The following TMEM87A variants were observed in gnomAD, a reference collection of about 807,000 sequenced individuals.
TMEM87A encodes the protein transmembrane protein 87A.
In TMEM87A, 50 loss-of-function variants were observed where a neutral mutation model predicts 90.0. The ratio of observed to expected loss-of-function variants is 0.56; its 90% confidence interval spans 0.44 to 0.70. The LOEUF (loss-of-function observed/expected upper bound fraction) is 0.70. Ranked by LOEUF, TMEM87A falls within the 30% of genes least tolerant of loss-of-function variation. TMEM87A has a pLI of 0.00. For missense variants in TMEM87A, 577 were observed against 660.5 expected, an observed-to-expected ratio of 0.87 and a Z score of 1.39; for synonymous variants, 226 against 226.7, an observed-to-expected ratio of 1.00 and a Z score of 0.03.
chr15:42,233,529 T>C (rs1236040046), intron 10 of TMEM87A, among the ~76,000 whole-genome samples: 1 of 152,148 alleles, frequency 6.6e-6, no homozygotes, highest in Non-Finnish European at 1.5e-5. Context: ...TTTTAAAAAA[T>C]GTTTCCTCAG....
chr15:42,254,849 G>A (rs1359496323), intron 6 of TMEM87A, among the ~76,000 whole-genome samples: 2 of 152,168 alleles, frequency 1.3e-5, no homozygotes, highest in African/African-American at 4.8e-5. Context: ...TATAGACTTT[G>A]ATAATAACAT....
At chr15:42,233,588 C>G (rs2050722720) in intron 10 of TMEM87A, among the ~76,000 whole-genome samples, 1 of 152,112 alleles carries the variant, frequency 6.6e-6, no homozygotes, top group African/African-American at 2.4e-5. Flanking sequence ...CTTATAAACC[C>G]TTCACCAAGG....
At chr15:42,225,303 G>T (rs1013123430) in intron 15 of TMEM87A, among the ~76,000 whole-genome samples, 70 of 151,690 alleles carry the variant, frequency 4.6e-4, no homozygotes, top group Non-Finnish European at 8.1e-4. Flanking sequence ...ATGCAAATGG[G>T]GGGGGGGGGA....
intron 6 of TMEM87A, among the ~76,000 whole-genome samples, chr15:42,246,478 A>C (rs1275183695): frequency 1.3e-5 from 2 of 151,750 alleles, no homozygotes; most frequent in Non-Finnish European, 2.9e-5. Context: ...CCACTGTGTG[A>C]TGTTCCCCGC....
At chr15:42,229,755 C>T (rs1188245154) in intron 12 of TMEM87A, among the ~76,000 whole-genome samples, 1 of 152,150 alleles carries the variant, frequency 6.6e-6, no homozygotes, top group Non-Finnish European at 1.5e-5. Flanking sequence ...ACATTATTCT[C>T]AAGTAGAAGT....
At chr15:42,247,905 T>C (rs2051008757) in intron 6 of TMEM87A, among the ~76,000 whole-genome samples, 1 of 152,192 alleles carries the variant, frequency 6.6e-6, no homozygotes. Flanking sequence ...ATATTGATTC[T>C]TCCTATCCAT....
rs563044869 is a variant in TMEM87A at position 42,217,010 on chromosome 15, A to G, written c.1626+793T>C. Among the ~76,000 whole-genome samples the G allele has an allele frequency of 2.1e-3, 298 of 141,786 alleles. 1 individual carries two copies. Among genetic ancestry groups the G allele is most frequent in the African/African-American group, 6.9e-3 (258 of 37,500 alleles). The allele number at this position is 141,786 out of a possible 152,430, so 93.0% of individuals were successfully genotyped here. A position where few individuals can be genotyped will look rare whatever the true frequency, so the allele number is the denominator to read the frequency against. ...GGTCTCACTCTTTTGCCCAGGCTGG[A>G]GTGGCGTAATCTCAGCTCACTGCAA... On this transcript the variant is annotated intron_variant, in intron 19 of 19. Coordinates refer to ENST00000389834, the MANE Select transcript of TMEM87A (RefSeq NM_015497.5).
intron 8 of TMEM87A, among the ~76,000 whole-genome samples, chr15:42,237,901 G>A (rs1484219555): frequency 6.6e-6 from 1 of 151,982 alleles, no homozygotes; most frequent in Non-Finnish European, 1.5e-5. Flanking sequence ...TCTTCCTTTG[G>A]AGCTTAACAT....
At position 42,249,775 on chromosome 15, in the gene TMEM87A, G is replaced by T. The variant is rs149618196; in HGVS notation, c.505-5608C>A. Among the ~76,000 whole-genome samples the T allele has an allele frequency of 5.1e-3, 779 of 152,338 alleles. 4 individuals are homozygous for T. The highest frequency in any genetic ancestry group is 8.2e-3 in the Non-Finnish European group (556 of 68,044). On this transcript the variant is annotated intron_variant, in intron 6 of 19. Transcript: ENST00000389834. ...CTGATTTGGGGTGGAAAGTTCTGTA[G>T]ATGTCTGTTAGGTCTGCTCGGTGCA...
intron 6 of TMEM87A, among the ~76,000 whole-genome samples, chr15:42,260,183 G>A (rs931256086): frequency 1.3e-5 from 2 of 152,098 alleles, no homozygotes; most frequent in African/African-American, 4.8e-5. Flanking sequence ...TACCAGCCTG[G>A]GCAACATGGT....
intron 15 of TMEM87A, chr15:42,224,662 A>T (rs770067175): frequency 1.3e-5 from 2 of 152,216 alleles, no homozygotes; most frequent in Non-Finnish European, 2.9e-5. Flanking sequence ...AAATATCCCA[A>T]ATGCCCATTA....
chr15:42,255,023 G>T (rs1464703065), intron 6 of TMEM87A, among the ~76,000 whole-genome samples: 2 of 150,816 alleles, frequency 1.3e-5, no homozygotes, highest in African/African-American at 4.9e-5. Flanking sequence ...GGAGTACAGT[G>T]GCATGATCAT....
At chr15:42,241,491 G>A (rs2050866328) in intron 7 of TMEM87A, among the ~76,000 whole-genome samples, 1 of 152,190 alleles carries the variant, frequency 6.6e-6, no homozygotes, top group African/African-American at 2.4e-5. Flanking sequence ...ATACCATATA[G>A]TAGTGGTGTT....
intron 18 of TMEM87A, 182 bp from the exon 19 acceptor site, chr15:42,218,015 G>GAAA (rs72216306): frequency 1.4e-5 from 9 of 652,394 alleles, no homozygotes; most frequent in African/African-American, 1.3e-4. Flanking sequence ...AAATTGTATA[G>GAAA]AAAAAAAACG....
At chr15:42,214,409 T>C (rs1338574787) in intron 19 of TMEM87A, among the ~76,000 whole-genome samples, 1 of 152,208 alleles carries the variant, frequency 6.6e-6, no homozygotes, top group Non-Finnish European at 1.5e-5. Context: ...ATATCCCTGA[T>C]GAGCAGACGC....
chr15:42,268,123 C>G, intron 2 of TMEM87A, 91 bp from the exon 3 acceptor site: 1 of 961,204 alleles, frequency 1.0e-6, no homozygotes, highest in South Asian at 1.7e-5. Context: ...TCATTTCGTA[C>G]CCTAAACTGA....
chr15:42,269,328 AAG>A (rs2051466807), intron 2 of TMEM87A, among the ~76,000 whole-genome samples: 1 of 152,222 alleles, frequency 6.6e-6, no homozygotes, highest in Non-Finnish European at 1.5e-5. Flanking sequence ...ATAACAAAAG[AAG>A]CAACCTAATT....
Position 42,260,949 on chromosome 15 carries a change from T to C in TMEM87A, c.504+9A>G, listed in dbSNP as rs377310756. 32 of 1,606,698 alleles carry C rather than the reference T, an allele frequency of 2.0e-5. No individual in the cohort carries two copies. Among genetic ancestry groups the C allele is most frequent in the Admixed American group, 5.1e-5 (3 of 58,924 alleles). On this transcript the variant is annotated intron_variant, in intron 6 of 19. Transcript: ENST00000389834. ...GTGTTCAATGCCCCAAATCCCCAAA[T>C]ATACTTACGGTTTTGTCTCCAATAA...
rs201431407 is a variant in TMEM87A, at chr15:42,273,368, G to A, written c.31C>T (p.Pro11Ser). The A allele has an allele frequency of 1.2e-6, 2 of 1,614,092 alleles. No individual in the cohort carries two copies. Among genetic ancestry groups the A allele is most frequent in the East Asian group, 4.5e-5 (2 of 44,880 alleles). The change falls in exon 1 of 20, where the codon CCT becomes TCT. Residue 11 changes from proline (P) to serine (S), a missense_variant. Pro to Ser is a moderately conservative substitution (Grantham distance 74, BLOSUM62 -1). Transcript: ENST00000389834. ...GCTCCCAGAAGCAGAAGAATGACAG[G>A]CAACACCTGAAGCCACGCAGCCGCC... MAAAAWLQVL[P>S]VILLLLGAHP... is the part of the protein sequence containing the mutation.
Sources: gnomAD v4.1 joint callset for allele counts (sites outside exome capture counted in the v4.1 genomes callset) on GRCh38, gnomAD v4.1.1 for gene constraint, MANE v1.5 for transcripts, NCBI Gene and HGNC (gene_info 2026-07-23, HGNC 2026-07-21) for gene names.